Variants in HUWE1 observed in about 807,000 individuals in gnomAD.
HUWE1 encodes the protein HECT, UBA and WWE domain containing E3 ubiquitin protein ligase 1, also known as E3 ubiquitin-protein ligase HUWE1.
In HUWE1, 18 loss-of-function variants were observed where a neutral mutation model predicts 299.4. That is an observed-to-expected ratio of 0.06 (90% confidence interval 0.04 to 0.09). The LOEUF (loss-of-function observed/expected upper bound fraction) is 0.09. Ranked by LOEUF, HUWE1 falls within the 10% of genes least tolerant of loss-of-function variation. The pLI is 1.00. For synonymous variants in HUWE1, 1,317 were observed against 1,286.1 expected (o/e 1.02, Z -0.51); for missense variants, 1,832 against 3,462.3 (o/e 0.53, Z 11.82).
chrX:53,662,911 A>C (rs894251846), intron 3 of HUWE1, among the ~76,000 whole-genome samples: 1 of 111,705 alleles, frequency 9.0e-6, no homozygotes, highest in African/African-American at 3.3e-5. Context: ...AACATGGTGA[A>C]ACCCCATCTC....
intron 43 of HUWE1, among the ~76,000 whole-genome samples, chrX:53,578,565 G>A (rs1472689659): frequency 2.8e-4 from 22 of 77,902 alleles, no homozygotes; most frequent in Middle Eastern, 0.019. Flanking sequence ...CAGCCGCCCC[G>A]TCCGGGAGGG....
At chrX:53,617,476 TGA>T (rs782593180) in intron 19 of HUWE1, 30 bp from the exon 20 acceptor site, 28 of 906,216 alleles carry the variant, frequency 3.1e-5, no homozygotes, top group Non-Finnish European at 4.3e-5. Context: ...TATGGAAAAC[TGA>T]GAGATTCCTC....
chrX:53,536,310 C>T, intron 79 of HUWE1, 58 bp from the exon 80 acceptor site: 1 of 1,165,842 alleles, frequency 8.6e-7, no homozygotes, highest in Non-Finnish European at 1.2e-6. Context: ...AGAAGGAGCA[C>T]AAGGATGGGA....
chrX:53,635,156 ATT>A (rs1412111267), intron 7 of HUWE1, among the ~76,000 whole-genome samples: 1 of 110,635 alleles, frequency 9.0e-6, no homozygotes, highest in Non-Finnish European at 1.9e-5. Context: ...AAATTTATTA[ATT>A]TGTTATGTCA....
chrX:53,665,301 G>C (rs2069193856), intron 3 of HUWE1, among the ~76,000 whole-genome samples: 1 of 111,914 alleles, frequency 8.9e-6, no homozygotes, highest in Non-Finnish European at 1.9e-5. Context: ...ACTCACCCAA[G>C]ACAAATCTGG....
chrX:53,589,844 A>G lies in HUWE1; in HGVS notation c.4192-28T>C, dbSNP rs782341111. ...GGAAGCAGGGAAGGAAGTGTGAATA[A>G]TACACAGGAGAGGTGAAGGAGGAAA... On this transcript the variant is annotated intron_variant, in intron 35 of 83. Coordinates refer to ENST00000262854, the MANE Select transcript of HUWE1 (RefSeq NM_031407.7). 5 of 1,186,232 alleles carry G rather than the reference A, an allele frequency of 4.2e-6. No homozygotes were observed. In the South Asian group the frequency reaches 7.3e-5, roughly 17 times the overall value.
At chrX:53,534,409 T>C (rs2060911982) in intron 82 of HUWE1, 107 bp downstream of exon 82, 2 of 767,468 alleles carry the variant, frequency 2.6e-6, no homozygotes, top group Admixed American at 2.8e-5. Context: ...GACTGTCTTC[T>C]ACATGCAACT....
chrX:53,561,760 A>G lies in HUWE1; in HGVS notation c.7503T>C (p.Ser2501=). ...LIIEFDNMFS[S]ATDIPPSPGN... is the part of the protein sequence containing the mutation. ...AGCTGAGCCCCTGTATCTTACTAGC[A>G]CTGGAGAACATGTTGTCAAACTCAA... The change falls in exon 55 of 84, where the codon AGT becomes AGC. Residue 2501 remains serine (S), a synonymous_variant. Coordinates refer to ENST00000262854, the MANE Select transcript of HUWE1 (RefSeq NM_031407.7). 1 of 1,210,430 alleles carries G rather than the reference A, an allele frequency of 8.3e-7. No homozygotes were observed. The highest frequency in any genetic ancestry group is 3.0e-5 in the East Asian group (1 of 33,805).
At chrX:53,539,961 A>T (rs1442569565) in intron 74 of HUWE1, 149 bp from the exon 75 acceptor site, 1 of 494,710 alleles carries the variant, frequency 2.0e-6, no homozygotes, top group African/African-American at 2.4e-5. Context: ...ATCTGAAACA[A>T]GGTCTAGGAC....
At chrX:53,685,486 T>A (rs782134030) in intron 2 of HUWE1, among the ~76,000 whole-genome samples, 245 of 112,556 alleles carry the variant, frequency 2.2e-3, no homozygotes, top group African/African-American at 7.6e-3. Flanking sequence ...TTTTTTATTA[T>A]TAAAATTTCA....
chrX:53,590,639 A>G (rs1245170122), intron 34 of HUWE1, 140 bp from the exon 35 acceptor site: 24 of 524,276 alleles, frequency 4.6e-5, no homozygotes, highest in Non-Finnish European at 7.3e-5. Context: ...CTGCTCTTGT[A>G]TAAGTCAAAC....
rs782327303 is a variant in HUWE1, at chrX:53,594,612, G to A, written c.3390C>T (p.Phe1130=). 8.3e-7 allele frequency: 1 copy of A among 1,210,427 alleles called. No homozygotes were observed. Among genetic ancestry groups the A allele is most frequent in the African/African-American group, 1.7e-5 (1 of 57,757 alleles). The change falls in exon 31 of 84, where the codon TTC becomes TTT. Residue 1130 remains phenylalanine (F), a synonymous_variant. Coordinates refer to ENST00000262854, the MANE Select transcript of HUWE1 (RefSeq NM_031407.7). ...ATGTGAAACCAACTGAACAGATGAA[G>A]AATGTCAGCCTGAAAGTGGAAAAAA... ...YTPTPRFRLT[F]FICSVGFTSP...
At chrX:53,679,953 G>T (rs2070044778) in intron 3 of HUWE1, 96 bp downstream of exon 3, 1 of 292,413 alleles carries the variant, frequency 3.4e-6, no homozygotes, top group African/African-American at 2.8e-5. Context: ...AGAAACCAAA[G>T]TAGCTCCATT....
intron 17 of HUWE1, among the ~76,000 whole-genome samples, chrX:53,626,212 T>C (rs1557017630): frequency 1.5e-5 from 1 of 65,249 alleles, no homozygotes; most frequent in Non-Finnish European, 3.0e-5. Context: ...CGTACATACA[T>C]ACACGTGTGT....
intron 19 of HUWE1, among the ~76,000 whole-genome samples, chrX:53,622,056 G>C (rs1485610844): frequency 8.9e-6 from 1 of 112,260 alleles, no homozygotes; most frequent in Non-Finnish European, 1.9e-5. Flanking sequence ...GGTCGGACAC[G>C]TGAGGGAGAA....
chrX:53,630,819 AGTT>A, intron 12 of HUWE1, 113 bp downstream of exon 12: 1 of 511,401 alleles, frequency 2.0e-6, no homozygotes, highest in East Asian at 3.6e-5. Context: ...GAAGTATTTA[AGTT>A]GCTACCTAGG....
intron 37 of HUWE1, among the ~76,000 whole-genome samples, chrX:53,587,804 A>G (rs781998333): frequency 8.9e-6 from 1 of 111,934 alleles, no homozygotes; most frequent in East Asian, 2.8e-4. Context: ...ATGAGCCACA[A>G]ATGAAGTCAT....
intron 40 of HUWE1, 48 bp from the exon 41 acceptor site, chrX:53,584,393 A>C: frequency 1.9e-6 from 2 of 1,070,806 alleles, no homozygotes; most frequent in Non-Finnish European, 1.3e-6. Flanking sequence ...AAAATGAATT[A>C]TAAAGGTGGG....
chrX:53,684,703 A>G (rs1181962150), intron 2 of HUWE1, among the ~76,000 whole-genome samples: 1 of 112,197 alleles, frequency 8.9e-6, no homozygotes, highest in African/African-American at 3.2e-5. Flanking sequence ...GTTCAATCTC[A>G]CAGTAAGCAC....
Sources: allele counts gnomAD v4.1 joint callset (sites outside exome capture counted in the v4.1 genomes callset), GRCh38; gene constraint gnomAD v4.1.1; transcripts MANE v1.5; gene names NCBI Gene and HGNC (gene_info 2026-07-23, HGNC 2026-07-21).